Variants in LAMC2 observed in about 807,000 individuals in gnomAD.
The protein encoded by LAMC2 is laminin subunit gamma 2, also known as laminin subunit gamma-2.
A neutral mutation model predicts 140.2 loss-of-function variants in LAMC2; 97 were observed. That is an observed-to-expected ratio of 0.69 (90% confidence interval 0.59 to 0.82). The LOEUF (loss-of-function observed/expected upper bound fraction) is 0.82. LAMC2 is among the 40% of genes least tolerant of loss of function. The pLI is 0.00. For missense variants in LAMC2, 1,402 were observed against 1,476.1 expected, an observed-to-expected ratio of 0.95 and a Z score of 0.82; for synonymous variants, 513 against 540.2, an observed-to-expected ratio of 0.95 and a Z score of 0.70.
At chr1:183,192,027 TAA>T (rs1658352002) in intron 1 of LAMC2, among the ~76,000 whole-genome samples, 1 of 152,226 alleles carries the variant, frequency 6.6e-6, no homozygotes, top group Admixed American at 6.5e-5. Flanking sequence ...AGCCAAAGGC[TAA>T]GTCTTTTCTG....
chr1:183,243,144 T>C lies in LAMC2; in HGVS notation c.3329-3T>C, dbSNP rs201396649. On this transcript the variant is annotated splice_polypyrimidine_tract_variant and splice_region_variant and intron_variant, in intron 22 of 22. Coordinates refer to ENST00000264144, the MANE Select transcript of LAMC2 (RefSeq NM_005562.3). ...TTAACTTGTGTCTCATTCCTTGAAA[T>C]AGACCAGCCTCTCAGTGTAGATGAA... The C allele has an allele frequency of 8.7e-6, 14 of 1,613,868 alleles. No individual in the cohort carries two copies. The Admixed American group carries it at 1.3e-4, about 15-fold the overall frequency.
intron 11 of LAMC2, 112 bp from the exon 12 acceptor site, chr1:183,230,849 T>C: frequency 8.3e-7 from 1 of 1,203,482 alleles, no homozygotes; most frequent in Middle Eastern, 1.9e-4. Context: ...TGCATGGAGG[T>C]ATAAAAGGAT....
In LAMC2 at chr1:183,226,683, T is replaced by C; in HGVS notation, c.1067-15T>C. ...TGTACCACTTGCAACTTCTAACCTG[T>C]TCTCTCGATTGCAGGTACTGGGTAC... is the stretch of plus-strand genomic sequence containing the variant. On this transcript the variant is annotated splice_polypyrimidine_tract_variant and intron_variant, in intron 8 of 22. Transcript: ENST00000264144. 1 of 1,607,408 alleles carries C rather than the reference T, an allele frequency of 6.2e-7. No individual in the cohort carries two copies. Among genetic ancestry groups the C allele is most frequent in the Non-Finnish European group, 8.5e-7 (1 of 1,173,834 alleles).
At chr1:183,219,752 T>C (rs1040108056) in intron 4 of LAMC2, among the ~76,000 whole-genome samples, 1 of 152,222 alleles carries the variant, frequency 6.6e-6, no homozygotes, top group Non-Finnish European at 1.5e-5. Flanking sequence ...GTTACAACTG[T>C]TCTCTGAAGC....
intron 19 of LAMC2, among the ~76,000 whole-genome samples, chr1:183,238,980 G>A (rs1203836935): frequency 6.6e-6 from 1 of 152,094 alleles, no homozygotes; most frequent in East Asian, 1.9e-4. Flanking sequence ...CAAAATTTTG[G>A]AATTTTCTTC....
At position 183,218,360 on chromosome 1, in the gene LAMC2, G is replaced by A. The variant is rs764509852; in HGVS notation, c.405-30G>A. On this transcript the variant is annotated intron_variant, in intron 3 of 22. Transcript: ENST00000264144. ...ATAGTTGTGAAGCATTTGGAAGCAT[G>A]TCCCTAATTTTCTTTTTCTTCTTCC... is the stretch of plus-strand genomic sequence containing the variant. 16 of 1,520,528 alleles carry A rather than the reference G, an allele frequency of 1.1e-5. No individual in the cohort carries two copies. In the African/African-American group the frequency reaches 1.1e-4, roughly 10 times the overall value. The allele number at this position is 1,520,528 out of a possible 1,614,324, so 94.2% of individuals were successfully genotyped here. A position where few individuals can be genotyped will look rare whatever the true frequency, so the allele number is the denominator to read the frequency against.
chr1:183,240,375 C>T lies in LAMC2; in HGVS notation c.3312C>T (p.Gly1104=). ...AAGACACACTCAACACATTAGACGG[C>T]CTCCTGCATCTGATGGGTATGTGAA... ...TIQDTLNTLD[G]LLHLMDQPLS... Residue 1104 remains glycine, a synonymous_variant, in exon 22 of 23, where the codon GGC becomes GGT. Coordinates refer to ENST00000264144, the MANE Select transcript of LAMC2 (RefSeq NM_005562.3). The T allele has an allele frequency of 6.2e-7, 1 of 1,614,204 alleles. No individual in the cohort carries two copies. Among genetic ancestry groups the T allele is most frequent in the Non-Finnish European group, 8.5e-7 (1 of 1,180,028 alleles).
At chr1:183,246,440 A>G (rs952902683), downstream of LAMC2, among the ~76,000 whole-genome samples, 4 of 152,192 alleles carry the variant, frequency 2.6e-5, no homozygotes, top group African/African-American at 9.6e-5. Context: ...TTAGTAGTTC[A>G]TAGTGAAAGC....
At chr1:183,243,029 C>T in intron 22 of LAMC2, 118 bp from the exon 23 acceptor site, 1 of 1,076,626 alleles carries the variant, frequency 9.3e-7, no homozygotes, top group Non-Finnish European at 1.4e-6. Flanking sequence ...TCATGGTATA[C>T]TATTTGCTCT....
chr1:183,247,176 G>A (rs914491169), downstream of LAMC2, among the ~76,000 whole-genome samples: 1 of 152,110 alleles, frequency 6.6e-6, no homozygotes, highest in African/African-American at 2.4e-5. Flanking sequence ...ACTGCGCATG[G>A]TGGCAGGCGC....
chr1:183,190,790 T>G (rs530564384), intron 1 of LAMC2, among the ~76,000 whole-genome samples: 1 of 152,350 alleles, frequency 6.6e-6, no homozygotes, highest in African/African-American at 2.4e-5. Context: ...ACTCACATTT[T>G]ATGAAGTAAT....
chr1:183,232,114 G>A, intron 12 of LAMC2, 73 bp from the exon 13 acceptor site: 1 of 1,563,290 alleles, frequency 6.4e-7, no homozygotes, highest in South Asian at 1.1e-5. Context: ...TTATCCCCTG[G>A]GTACCTGGTA....
chr1:183,252,887 G>A, the LAMC2 span: 43 of 613,796 alleles, frequency 7.0e-5, no homozygotes, highest in Non-Finnish European at 1.1e-4. Flanking sequence ...AGGCCCTCTT[G>A]CCTCCACAAC....
At chr1:183,196,760 G>GA (rs35890410) in intron 1 of LAMC2, among the ~76,000 whole-genome samples, 48,304 of 152,030 alleles carry the variant, frequency 0.32, 8,008 homozygotes, top group East Asian at 0.43. Context: ...TAACTTCTTT[G>GA]AAAAAATGAA....
At position 183,244,069 on chromosome 1, in the gene LAMC2, C is replaced by T. The variant is rs1292696330; in HGVS notation, c.*669C>T. 6.6e-6 allele frequency: 1 copy of T among 152,372 alleles called. No individual in the cohort carries two copies. Among genetic ancestry groups the T allele is most frequent in the African/African-American group, 2.4e-5 (1 of 41,454 alleles). 9.4% of individuals were successfully genotyped at this position (152,372 alleles called of 1,614,324 possible). On this transcript the variant is annotated 3_prime_UTR_variant, in exon 23 of 23. Coordinates refer to ENST00000264144, the MANE Select transcript of LAMC2 (RefSeq NM_005562.3). ...CTTCAAGTTCTGGACCTGGGCATGA[C>T]ATCCTTTCTTTTAATGATGCCATGG...
intron 1 of LAMC2, among the ~76,000 whole-genome samples, chr1:183,192,066 T>C (rs1329922125): frequency 6.6e-6 from 1 of 152,214 alleles, no homozygotes; most frequent in African/African-American, 2.4e-5. Context: ...TGTCTGCATA[T>C]GTAATTCCCC....
rs747335209 is a variant in LAMC2 at position 183,239,416 on chromosome 1, G to A, written c.2922G>A (p.Lys974=). 6 of 1,614,086 alleles carry A rather than the reference G, an allele frequency of 3.7e-6. No homozygotes were observed. The highest frequency in any genetic ancestry group is 3.3e-5 in the Admixed American group (2 of 60,002). Reference sequence around the variant, plus strand: ...AAGCAGAAGCTGAAGAAGCCATGAAGAGACTCTCCTACATCAGCCAGAAGG... The same window carrying A: ...AAGCAGAAGCTGAAGAAGCCATGAAAAGACTCTCCTACATCAGCCAGAAGG... The part of the protein sequence containing the change: ...NRKAEAEEAM[K]RLSYISQKVS... The change falls in exon 20 of 23, where the codon AAG becomes AAA. Residue 974 remains lysine (K), a synonymous_variant. Coordinates refer to ENST00000264144, the MANE Select transcript of LAMC2 (RefSeq NM_005562.3).
rs6687880 is a variant in LAMC2, at chr1:183,243,762, T to C, written c.*362T>C. On this transcript the variant is annotated 3_prime_UTR_variant, in exon 23 of 23. Transcript: ENST00000264144. ...GTGCTGTTGGGATATAGTCAACTTA[T>C]TCTTTGAGTAATGTGACTAAAGGAA... 0.017 allele frequency: 5,421 copies of C among 322,466 alleles called. 264 individuals carry two copies. Among genetic ancestry groups the C allele is most frequent in the African/African-American group, 0.11 (5,079 of 47,106 alleles). 20.0% of individuals were successfully genotyped at this position (322,466 alleles called of 1,614,324 possible).
chr1:183,205,694 A>G (rs1658863611), intron 1 of LAMC2, among the ~76,000 whole-genome samples: 1 of 152,234 alleles, frequency 6.6e-6, no homozygotes, highest in South Asian at 2.1e-4. Context: ...GAGATGCCAT[A>G]GCTATCTTCA....
Sources: gnomAD v4.1 joint callset for allele counts (sites outside exome capture counted in the v4.1 genomes callset) on GRCh38, gnomAD v4.1.1 for gene constraint, MANE v1.5 for transcripts, NCBI Gene and HGNC (gene_info 2026-07-23, HGNC 2026-07-21) for gene names.